HDAC6: variants seen among roughly 807,000 people sequenced by gnomAD.
The protein encoded by HDAC6 is protein deacetylase HDAC6.
HDAC6 carries 5 observed loss-of-function variants against 88.9 expected under a neutral mutation model. That is an observed-to-expected ratio of 0.06 (90% CI 0.03 to 0.12). The LOEUF is 0.12. Ranked by LOEUF, HDAC6 falls within the 10% of genes least tolerant of loss-of-function variation. HDAC6 has a pLI of 1.00. For missense variants in HDAC6, 706 were observed against 1,014.4 expected (o/e 0.70, Z 4.13); for synonymous variants, 378 against 398.0 (o/e 0.95, Z 0.60).
intron 10 of HDAC6, 189 bp from the exon 11 acceptor site, chrX:48,814,251 T>C (rs2062945667): frequency 2.0e-5 from 9 of 448,139 alleles, no homozygotes; most frequent in Non-Finnish European, 3.4e-5. Flanking sequence ...GGTGACTGAA[T>C]GTAAGGGTAA....
rs191735691 is a variant in HDAC6, at chrX:48,824,108, G to A, written c.3450+40G>A. On this transcript the variant is annotated intron_variant, in intron 27 of 28. Transcript: ENST00000334136. ...AAGGGGATGGGGCGGAGGTTGGCCC[G>A]GGAGCAAACTGCAGGGGGATGCTGA... 95 of 1,203,324 alleles carry A rather than the reference G, an allele frequency of 7.9e-5. No individual in the cohort carries two copies. The East Asian group carries it at 1.3e-3, about 17-fold the overall frequency.
chrX:48,821,563 C>T (rs1557029864), intron 23 of HDAC6, among the ~76,000 whole-genome samples: 1 of 99,053 alleles, frequency 1.0e-5, no homozygotes, highest in African/African-American at 3.8e-5. Flanking sequence ...AGTGCAATGG[C>T]GCTATCTCGG....
At position 48,802,070 on chromosome X, in the gene HDAC6, T is replaced by G. The variant is rs1021429944; in HGVS notation, c.-103T>G. On this transcript the variant is annotated 5_prime_UTR_variant, in exon 1 of 29. Transcript: ENST00000334136. ...GGTCTGGGCAGGGGGTGGAGCTGGT[T>G]GAAGGAACGGGGCAGTCCCCTGAGG... is the stretch of plus-strand genomic sequence containing the variant. 5 of 904,179 alleles carry G rather than the reference T, an allele frequency of 5.5e-6. No individual in the cohort carries two copies. Among genetic ancestry groups the G allele is most frequent in the Non-Finnish European group, 6.9e-6 (5 of 723,836 alleles). 74.5% of individuals were successfully genotyped at this position (904,179 alleles called of 1,213,427 possible). A position where few individuals can be genotyped will look rare whatever the true frequency, so the allele number is the denominator to read the frequency against.
rs781964685 is a variant in HDAC6 at position 48,805,498 on chromosome X, C to A, written c.372C>A (p.Leu124=). 2.3e-5 allele frequency: 28 copies of A among 1,208,051 alleles called. No individual in the cohort carries two copies. The highest frequency in any genetic ancestry group is 2.2e-5 in the Non-Finnish European group (20 of 893,872). ...AGGAGCAACTGATCCAGGAGGGCCT[C>A]CTAGATCGCTGCGTGTCCTTTCAGG... ...AIKEQLIQEG[L]LDRCVSFQAR... The change falls in exon 5 of 29, where the codon CTC becomes CTA. Residue 124 remains leucine, a synonymous_variant. Coordinates refer to ENST00000334136, the MANE Select transcript of HDAC6 (RefSeq NM_006044.4).
At chrX:48,824,499 G>A (rs782430389) in intron 28 of HDAC6, 45 bp from the exon 29 acceptor site, 1 of 1,142,417 alleles carries the variant, frequency 8.8e-7, no homozygotes, top group South Asian at 1.8e-5. Flanking sequence ...GAGGTAGAGG[G>A]GTCCTCACTC....
chrX:48,817,720 C>A (rs782563201), intron 20 of HDAC6: 2 of 412,638 alleles, frequency 4.8e-6, no homozygotes, highest in East Asian at 7.8e-5. Context: ...TGGCCTATAG[C>A]AGCTGCCTCG....
chrX:48,815,379 C>T lies in HDAC6; in HGVS notation c.1150-5C>T. ...CTGATCCCCCTTCACAACTCCTTGC[C>T]CCAGGGTGGCTACAACCTCCGCGCC... On this transcript the variant is annotated splice_region_variant and splice_polypyrimidine_tract_variant and intron_variant, in intron 14 of 28. Coordinates refer to ENST00000334136, the MANE Select transcript of HDAC6 (RefSeq NM_006044.4). 3.4e-6 allele frequency: 4 copies of T among 1,179,478 alleles called. No individual in the cohort carries two copies. The highest frequency in any genetic ancestry group is 3.0e-5 in the East Asian group (1 of 32,950).
At chrX:48,807,998 C>T (rs782696759) in intron 8 of HDAC6, 35 bp from the exon 9 acceptor site, 2 of 1,006,746 alleles carry the variant, frequency 2.0e-6, no homozygotes, top group East Asian at 3.2e-5. Context: ...GGACCCCTCA[C>T]ATACTCCAAG....
chrX:48,803,262 A>G (rs1557023114), intron 4 of HDAC6, 46 bp downstream of exon 4: 3 of 957,604 alleles, frequency 3.1e-6, no homozygotes, highest in Non-Finnish European at 4.5e-6. Flanking sequence ...AAAAATACAC[A>G]CACTTAGAGC....
chrX:48,801,996 A>T, upstream of HDAC6: 2 of 963,241 alleles, frequency 2.1e-6, no homozygotes, highest in Non-Finnish European at 2.7e-6. Flanking sequence ...AGGCCGACCG[A>T]AGGCGGCTAG....
In HDAC6 at chrX:48,823,515, G is replaced by A. The variant is rs375071316; in HGVS notation, c.3116G>A (p.Gly1039Glu). Residue 1039 changes from glycine (G) to glutamate (E), a missense_variant, in exon 25 of 29, where the codon GGA becomes GAA. Gly to Glu is a moderately conservative substitution (Grantham distance 98). Coordinates refer to ENST00000334136, the MANE Select transcript of HDAC6 (RefSeq NM_006044.4). ...ACCCCCCCAACCTCACCTGTGCAGG[G>A]AACTACACCCCAGATATCTCCCAGT... ...HQTPPTSPVQ[G>E]TTPQISPSTL... The A allele has an allele frequency of 1.7e-6, 2 of 1,208,655 alleles. No individual in the cohort carries two copies. The highest frequency in any genetic ancestry group is 3.5e-5 in the African/African-American group (2 of 56,997).
chrX:48,813,898 G>A (rs2062940321), intron 10 of HDAC6: 1 of 113,351 alleles, frequency 8.8e-6, no homozygotes, highest in Non-Finnish European at 1.8e-5. Flanking sequence ...GAATCACCCA[G>A]CTCCCCAGCC....
chrX:48,801,507 G>C (rs1266970866), upstream of HDAC6: 3 of 169,929 alleles, frequency 1.8e-5, no homozygotes, highest in South Asian at 2.4e-4. Context: ...GCTCCTAAGT[G>C]ACTGGACAGG....
At chrX:48,823,610 T>TAGGGGCAAGA (rs782486536) in intron 25 of HDAC6, 22 bp downstream of exon 25, 1 of 1,198,496 alleles carries the variant, frequency 8.3e-7, no homozygotes, top group Non-Finnish European at 1.1e-6. Flanking sequence ...CACACCCAGG[T>TAGGGGCAAGA]AGGGGCAAGA....
At chrX:48,818,488 T>G in intron 22 of HDAC6, 76 bp downstream of exon 22, 1 of 786,432 alleles carries the variant, frequency 1.3e-6, no homozygotes, top group Non-Finnish European at 1.8e-6. Context: ...CTCCTTGGCA[T>G]GTGTGTGTGT....
intron 20 of HDAC6, chrX:48,817,821 C>T (rs1167171889): frequency 4.6e-6 from 2 of 438,574 alleles, no homozygotes; most frequent in Non-Finnish European, 7.9e-6. Context: ...GGGTCCAGTT[C>T]CCTAGCAATG....
chrX:48,809,309 C>T (rs1293157629), intron 10 of HDAC6, among the ~76,000 whole-genome samples: 1 of 111,711 alleles, frequency 9.0e-6, no homozygotes, highest in African/African-American at 3.3e-5. Context: ...AAGTCCTTGT[C>T]AGTAGGAGAC....
chrX:48,811,467 A>C (rs2048258030), intron 10 of HDAC6, among the ~76,000 whole-genome samples: 1 of 112,201 alleles, frequency 8.9e-6, no homozygotes, highest in African/African-American at 3.2e-5. Context: ...ATGAAGGCCC[A>C]TTGTAGGGGG....
chrX:48,817,920 C>T, intron 20 of HDAC6, 121 bp from the exon 21 acceptor site: 1 of 635,687 alleles, frequency 1.6e-6, no homozygotes, highest in Non-Finnish European at 2.5e-6. Context: ...TTCTCCTTAA[C>T]TGATAGGACC....
Sources: allele counts gnomAD v4.1 joint callset (sites outside exome capture counted in the v4.1 genomes callset), GRCh38; gene constraint gnomAD v4.1.1; transcripts MANE v1.5; gene names NCBI Gene and HGNC (gene_info 2026-07-23, HGNC 2026-07-21).